ANLN: variants seen among roughly 807,000 people sequenced by gnomAD.
ANLN encodes the protein anillin.
ANLN carries 59 observed loss-of-function variants against 135.1 expected under a neutral mutation model. The observed-to-expected ratio is 0.44, with a 90% CI of 0.35 to 0.54. The LOEUF is 0.54. Ranked by LOEUF, ANLN falls within the 20% of genes least tolerant of loss-of-function variation. The pLI is 0.00. For missense variants in ANLN, 1,182 were observed against 1,340.0 expected (o/e 0.88, Z 1.84); for synonymous variants, 406 against 456.4 (o/e 0.89, Z 1.41).
chr7:36,407,699 G>A (rs780836187), intron 4 of ANLN, 35 bp from the exon 5 acceptor site: 11 of 1,470,142 alleles, frequency 7.5e-6, no homozygotes, highest in South Asian at 6.9e-5. Flanking sequence ...TAGATATTGT[G>A]AATGTTGTTT....
In ANLN at chr7:36,402,319, G is replaced by T. The variant is rs11532700; in HGVS notation, c.487+2926G>T. Reference sequence around the variant, plus strand: ...GTAGAGACAAGATTTCACCATGTTGGCCAGGCTGGTCTCAAACTCCTGACC... The same window carrying T: ...GTAGAGACAAGATTTCACCATGTTGTCCAGGCTGGTCTCAAACTCCTGACC... On this transcript the variant is annotated intron_variant, in intron 3 of 23. Transcript: ENST00000265748. Among the ~76,000 whole-genome samples, 18 of 53,336 alleles carry T rather than the reference G, an allele frequency of 3.4e-4. 2 individuals are homozygous for T. Among genetic ancestry groups the T allele is most frequent in the South Asian group, 6.8e-4 (2 of 2,938 alleles). 35.0% of individuals were successfully genotyped at this position (53,336 alleles called of 152,430 possible). A position where few individuals can be genotyped will look rare whatever the true frequency, so the allele number is the denominator to read the frequency against.
At chr7:36,412,096 T>C (rs1296264417) in intron 7 of ANLN, among the ~76,000 whole-genome samples, 1 of 151,856 alleles carries the variant, frequency 6.6e-6, no homozygotes, top group African/African-American at 2.4e-5. Context: ...TTCTTCCTCT[T>C]GTTTACTGTG....
chr7:36,389,933 T>C lies in ANLN; in HGVS notation c.-94T>C. On this transcript the variant is annotated 5_prime_UTR_variant, in exon 1 of 24. Transcript: ENST00000265748. ...GAGTTCCCCCGCCTCAGACTCCTGG[T>C]TTTTTCCAGGAGACACACTGAGCTG... 1 of 1,608,942 alleles carries C rather than the reference T, an allele frequency of 6.2e-7. No individual in the cohort carries two copies. The highest frequency in any genetic ancestry group is 1.1e-5 in the South Asian group (1 of 90,926).
intron 8 of ANLN, among the ~76,000 whole-genome samples, chr7:36,416,530 C>T (rs1394154619): frequency 4.6e-5 from 7 of 152,146 alleles, no homozygotes; most frequent in Non-Finnish European, 1.0e-4. Context: ...GTAATGTTAG[C>T]TGAGGGCTTT....
At chr7:36,394,310 G>A (rs1311020968) in intron 1 of ANLN, among the ~76,000 whole-genome samples, 3 of 152,074 alleles carry the variant, frequency 2.0e-5, no homozygotes, top group African/African-American at 7.2e-5. Flanking sequence ...AGGTGCATGC[G>A]GCCTCCTGTT....
chr7:36,421,035 T>A (rs1343900366), intron 12 of ANLN, among the ~76,000 whole-genome samples: 1 of 152,128 alleles, frequency 6.6e-6, no homozygotes, highest in Non-Finnish European at 1.5e-5. Flanking sequence ...AGTGGGAAAT[T>A]TGTTATGCTC....
chr7:36,415,157 T>C (rs566949488), intron 7 of ANLN, among the ~76,000 whole-genome samples: 22 of 152,366 alleles, frequency 1.4e-4, no homozygotes, highest in African/African-American at 5.3e-4. Context: ...ATGTTCCTCT[T>C]AAATAACCTT....
chr7:36,449,635 C>G (rs780039942), intron 22 of ANLN, 30 bp from the exon 23 acceptor site: 2 of 1,559,112 alleles, frequency 1.3e-6, no homozygotes, highest in Admixed American at 3.6e-5. Flanking sequence ...GTCTTATTTT[C>G]TACTAATTTC....
chr7:36,440,600 G>A (rs1337758207), intron 21 of ANLN, among the ~76,000 whole-genome samples: 2 of 152,112 alleles, frequency 1.3e-5, no homozygotes, highest in Non-Finnish European at 2.9e-5. Flanking sequence ...AGACGTAAGC[G>A]GCTTTAAATG....
At chr7:36,410,738 A>G (rs183182992) in intron 6 of ANLN, 34 bp downstream of exon 6, 196 of 1,587,822 alleles carry the variant, frequency 1.2e-4, no homozygotes, top group Non-Finnish European at 1.6e-4. Context: ...TATTCATCAC[A>G]TGGTCTCTGC....
In ANLN at chr7:36,420,731, A is replaced by G. The variant is rs763444969; in HGVS notation, c.2150A>G (p.Lys717Arg). 242 of 1,614,010 alleles carry G rather than the reference A, an allele frequency of 1.5e-4. 1 individual carries two copies. In the Admixed American group the frequency reaches 3.9e-3, roughly 26 times the overall value. ...GCCTTTCCTTGTCAAGTTAATATCAAACAGAAAATGCAGGTATGTACTTTT... is the reference window on the plus strand; with the variant it reads ...GCCTTTCCTTGTCAAGTTAATATCAGACAGAAAATGCAGGTATGTACTTTT... ...NNAFPCQVNI[K>R]QKMQELNNEI... is the part of the protein sequence containing the mutation. The change falls in exon 12 of 24, where the codon AAA becomes AGA. Residue 717 changes from lysine (K) to arginine (R), a missense_variant. By Grantham distance (26) the Lys-to-Arg change is conservative. Around this residue, in one of 3 missense-constraint regions of ANLN, gnomAD observed 1,022 missense variants for 1,134.0 expected, o/e 0.90. Coordinates refer to ENST00000265748, the MANE Select transcript of ANLN (RefSeq NM_018685.5).
At chr7:36,408,022 A>G in intron 5 of ANLN, 66 bp downstream of exon 5, 1 of 1,266,964 alleles carries the variant, frequency 7.9e-7, no homozygotes, top group Non-Finnish European at 1.1e-6. Flanking sequence ...TCAGCATTTT[A>G]AATATTCAAT....
At position 36,424,528 on chromosome 7, in the gene ANLN, A is replaced by G; in HGVS notation, c.2604-17A>G. 1 of 1,586,654 alleles carries G rather than the reference A, an allele frequency of 6.3e-7. No homozygotes were observed. The highest frequency in any genetic ancestry group is 1.7e-5 in the Admixed American group (1 of 58,038). On this transcript the variant is annotated splice_polypyrimidine_tract_variant and intron_variant, in intron 15 of 23. Coordinates refer to ENST00000265748, the MANE Select transcript of ANLN (RefSeq NM_018685.5). ...AGGTTTTCTCTCAAGGTTTTACTTAATGCTTTATTTTTCCAGGCAAGATGT... is the reference window on the plus strand; with the variant it reads ...AGGTTTTCTCTCAAGGTTTTACTTAGTGCTTTATTTTTCCAGGCAAGATGT...
intron 4 of ANLN, among the ~76,000 whole-genome samples, chr7:36,407,317 T>C (rs1350430260): frequency 1.3e-5 from 2 of 152,220 alleles, no homozygotes; most frequent in African/African-American, 4.8e-5. Context: ...CCTGGCTATG[T>C]ATAAGTAGTT....
chr7:36,446,249 T>C (rs558343572), intron 22 of ANLN, among the ~76,000 whole-genome samples: 2 of 152,346 alleles, frequency 1.3e-5, no homozygotes, highest in African/African-American at 4.8e-5. Context: ...AGATTTCTTT[T>C]ATACCTCTTT....
chr7:36,428,931 A>G (rs1226193122), intron 20 of ANLN, among the ~76,000 whole-genome samples: 1 of 151,816 alleles, frequency 6.6e-6, no homozygotes, highest in Non-Finnish European at 1.5e-5. Flanking sequence ...GGTGCATGCA[A>G]CCACATCTGG....
At chr7:36,433,005 G>A (rs1448505560) in intron 20 of ANLN, among the ~76,000 whole-genome samples, 1 of 151,950 alleles carries the variant, frequency 6.6e-6, no homozygotes, top group Non-Finnish European at 1.5e-5. Flanking sequence ...TTTAAGAGAT[G>A]GGGTCTTGCT....
chr7:36,428,136 T>C (rs1157803705), intron 20 of ANLN, among the ~76,000 whole-genome samples: 7 of 152,214 alleles, frequency 4.6e-5, no homozygotes, highest in Non-Finnish European at 1.0e-4. Flanking sequence ...TTTTAGTTGA[T>C]GGACAAAAAG....
chr7:36,446,991 G>A (rs899425526), intron 22 of ANLN, among the ~76,000 whole-genome samples: 8 of 152,076 alleles, frequency 5.3e-5, no homozygotes, highest in Non-Finnish European at 5.9e-5. Flanking sequence ...CTTAGTGGAC[G>A]CGTTCCAAGA....
Sources: allele counts gnomAD v4.1 joint callset (sites outside exome capture counted in the v4.1 genomes callset), GRCh38; gene constraint gnomAD v4.1.1; regional missense constraint gnomAD v4.1.1; transcripts MANE v1.5; gene names NCBI Gene and HGNC (gene_info 2026-07-23, HGNC 2026-07-21).